RHBDF2: variants seen among roughly 807,000 people sequenced by gnomAD.
RHBDF2 encodes inactive rhomboid protein 2.
RHBDF2 carries 38 observed loss-of-function variants against 95.2 expected under a neutral mutation model. That is an observed-to-expected ratio of 0.40 (90% CI 0.31 to 0.52). The LOEUF (loss-of-function observed/expected upper bound fraction) is 0.52. Ranked by LOEUF, RHBDF2 falls within the 20% of genes least tolerant of loss-of-function variation. The probability of loss-of-function intolerance (pLI) is 0.56; values close to 1 mark genes in which losing one functional copy is unlikely to be tolerated. For synonymous variants in RHBDF2, 442 were observed against 462.0 expected (o/e 0.96, Z 0.55); for missense variants, 863 against 1,137.7 (o/e 0.76, Z 3.47).
At position 76,476,957 on chromosome 17, in the gene RHBDF2, G is replaced by T. The variant is rs765461667; in HGVS notation, c.988C>A (p.His330Asn). The change falls in exon 9 of 19, where the codon CAC becomes AAC. Residue 330 changes from histidine (H) to asparagine (N), a missense_variant. Coordinates refer to ENST00000675367, the MANE Select transcript of RHBDF2 (RefSeq NM_001005498.4). ...CGCTTCTTCCGATCAAAGGCAAAGT[G>T]CTTCACCTTGGAGGCGATGCGCTTG... ...RGKRIASKVK[H>N]FAFDRKKRHY... The T allele has an allele frequency of 3.7e-6, 6 of 1,613,990 alleles. No individual in the cohort carries two copies. In the South Asian group the frequency reaches 6.6e-5, roughly 18 times the overall value.
At chr17:76,486,161 C>T (rs12939537) in intron 2 of RHBDF2, among the ~76,000 whole-genome samples, 90,713 of 151,664 alleles carry the variant, frequency 0.6, 27,600 homozygotes, top group Middle Eastern at 0.75. Context: ...CAGGCTAGAG[C>T]GCAGTGGTGC....
intron 3 of RHBDF2, 128 bp downstream of exon 3, chr17:76,481,246 AG>A: frequency 9.2e-7 from 1 of 1,085,124 alleles, no homozygotes; most frequent in Non-Finnish European, 1.3e-6. Flanking sequence ...GCCCGAGTCA[AG>A]GGCTGCACAG....
chr17:76,472,982 G>A (rs752850990), intron 17 of RHBDF2, 23 bp downstream of exon 17: 79 of 1,608,908 alleles, frequency 4.9e-5, no homozygotes, highest in Admixed American at 1.7e-4. Flanking sequence ...GGTCGGGTTC[G>A]GGGGCAGTGA....
At position 76,474,732 on chromosome 17, in the gene RHBDF2, A is replaced by G; in HGVS notation, c.1300T>C (p.Ser434Pro). The G allele has an allele frequency of 6.2e-7, 1 of 1,614,116 alleles. No homozygotes were observed. Among genetic ancestry groups the G allele is most frequent in the Non-Finnish European group, 8.5e-7 (1 of 1,179,990 alleles). ...TGTCCCCCAGCCTGGGCCCTCACCGAGCTGGGGCCAACCCAGAAGTTCTCC... is the reference window on the plus strand; with the variant it reads ...TGTCCCCCAGCCTGGGCCCTCACCGGGCTGGGGCCAACCCAGAAGTTCTCC... ...QQENFWVGPS[S>P]IDLIHLGAKF... The change falls in exon 11 of 19, where the codon TCG becomes CCG. Residue 434 changes from serine (S) to proline (P), a missense_variant and splice_region_variant. By Grantham distance (74) the Ser-to-Pro change is moderately conservative. This residue lies in a region of RHBDF2 where 611 missense variants were observed against 725.5 expected (regional missense o/e 0.84). Transcript: ENST00000675367.
At chr17:76,475,614 G>A (rs1331617632) in intron 9 of RHBDF2, among the ~76,000 whole-genome samples, 10 of 149,456 alleles carry the variant, frequency 6.7e-5, no homozygotes, top group Non-Finnish European at 8.9e-5. Context: ...ACAGAGTCTC[G>A]CTCTGTCACC....
chr17:76,474,563 TG>T (rs1489986219), intron 11 of RHBDF2, 29 bp from the exon 12 acceptor site: 5 of 1,610,930 alleles, frequency 3.1e-6, no homozygotes, highest in Non-Finnish European at 2.5e-6. Context: ...GGGGAGAGAG[TG>T]AGTTTGAGCC....
intron 9 of RHBDF2, among the ~76,000 whole-genome samples, chr17:76,475,511 C>T (rs2073742289): frequency 6.6e-6 from 1 of 152,172 alleles, no homozygotes; most frequent in Non-Finnish European, 1.5e-5. Flanking sequence ...CACCCCTCCC[C>T]ACCAGCTGTT....
Position 76,473,004 on chromosome 17 carries a change from C to T in RHBDF2, c.1910+1G>A. ...TTCGGGGGCAGTGAGGAGCCTCTTACCCAGCATGTAGGAAGAGAGACAGCC... is the reference window on the plus strand; with the variant it reads ...TTCGGGGGCAGTGAGGAGCCTCTTATCCAGCATGTAGGAAGAGAGACAGCC... On this transcript the variant is annotated splice_donor_variant, in intron 17 of 18. Transcript: ENST00000675367. LOFTEE classifies it high-confidence loss of function. The T allele has an allele frequency of 6.2e-7, 1 of 1,613,578 alleles. No homozygotes were observed. Among genetic ancestry groups the T allele is most frequent in the Non-Finnish European group, 8.5e-7 (1 of 1,179,482 alleles).
Position 76,481,258 on chromosome 17 carries a change from A to G in RHBDF2, c.150+117T>C, listed in dbSNP as rs3826288. 935,325 of 1,197,238 alleles carry G rather than the reference A, an allele frequency of 0.78. 369,409 individuals are homozygous for G. Among genetic ancestry groups the G allele is most frequent in the Non-Finnish European group, 0.82 (698,742 of 855,062 alleles). 74.2% of individuals were successfully genotyped at this position (1,197,238 alleles called of 1,614,324 possible). On this transcript the variant is annotated intron_variant, in intron 3 of 18. Coordinates refer to ENST00000675367, the MANE Select transcript of RHBDF2 (RefSeq NM_001005498.4). The stretch of plus-strand genomic sequence containing the variant: ...AGGGCCCGAGTCAAGGGCTGCACAG[A>G]CAGCAGCTGTGGCTCAGGAAGGAGC...
intron 6 of RHBDF2, 57 bp downstream of exon 6, chr17:76,478,749 G>C: frequency 6.9e-7 from 1 of 1,444,630 alleles, no homozygotes; most frequent in Non-Finnish European, 9.5e-7. Context: ...GTGGAAGGGA[G>C]GGGCAAGGAA....
In RHBDF2 at chr17:76,481,408, C is replaced by T. The variant is rs1459651439; in HGVS notation, c.117G>A (p.Gln39=). 1.2e-6 allele frequency: 2 copies of T among 1,612,806 alleles called. No homozygotes were observed. The highest frequency in any genetic ancestry group is 8.5e-7 in the Non-Finnish European group (1 of 1,180,012). ...ITIPPPEKET[Q]APGEQDSMLP... is the part of the protein sequence containing the mutation. ...GCATGCTGTCCTGCTCGCCAGGGGC[C>T]TGGGTCTCTTTCTCGGGTGGCGGGA... Residue 39 remains glutamine, a synonymous_variant, in exon 3 of 19, where the codon CAG becomes CAA. Coordinates refer to ENST00000675367, the MANE Select transcript of RHBDF2 (RefSeq NM_001005498.4).
rs532075731 is a variant in RHBDF2, at chr17:76,476,884, C to T, written c.1061G>A (p.Arg354His). The change falls in exon 9 of 19, where the codon CGC becomes CAC. Residue 354 changes from arginine (R) to histidine (H), a missense_variant. Arg to His is a conservative substitution (Grantham distance 29, BLOSUM62 0). Transcript: ENST00000675367. ...VVGNWLNRSY[R>H]RSISSTVQRQ... is the part of the protein sequence containing the mutation. Reference sequence around the variant, plus strand: ...CTGCACAGTGCTGCTGATGCTGCGGCGGTAGCTGCGGTTCAGCCAGTTGCC... The same window carrying T: ...CTGCACAGTGCTGCTGATGCTGCGGTGGTAGCTGCGGTTCAGCCAGTTGCC... The T allele has an allele frequency of 4.3e-6, 7 of 1,612,434 alleles. No homozygotes were observed. The highest frequency in any genetic ancestry group is 2.2e-5 in the South Asian group (2 of 91,054).
intron 2 of RHBDF2, among the ~76,000 whole-genome samples, chr17:76,484,601 C>T (rs898205851): frequency 2.6e-5 from 4 of 151,994 alleles, no homozygotes; most frequent in Non-Finnish European, 4.4e-5. Context: ...GATCATTCTC[C>T]GCACCGCAGC....
At chr17:76,474,325 G>T (rs755948186) in intron 12 of RHBDF2, 48 bp downstream of exon 12, 10 of 1,593,478 alleles carry the variant, frequency 6.3e-6, no homozygotes, top group Non-Finnish European at 7.7e-6. Context: ...AGTGGAGCTA[G>T]TCCGGGACCA....
At chr17:76,472,261 C>T (rs958887795) in intron 18 of RHBDF2, 27 of 609,386 alleles carry the variant, frequency 4.4e-5, no homozygotes, top group South Asian at 7.9e-5. Context: ...CTACTGTGTA[C>T]GTGCCTGGTG....
intron 3 of RHBDF2, among the ~76,000 whole-genome samples, chr17:76,480,898 G>GT (rs1165774364): frequency 6.6e-6 from 1 of 152,186 alleles, no homozygotes; most frequent in African/African-American, 2.4e-5. Flanking sequence ...CCACAAGCCG[G>GT]TTTTCAATGA....
At chr17:76,490,285 A>G (rs900825828) in intron 1 of RHBDF2, among the ~76,000 whole-genome samples, 1 of 151,464 alleles carries the variant, frequency 6.6e-6, no homozygotes, top group African/African-American at 2.4e-5. Flanking sequence ...TCCTGACCCC[A>G]CCCCCCAGGG....
rs2144325033 is a variant in RHBDF2 at position 76,487,813 on chromosome 17, A to G, written c.-123T>C. On this transcript the variant is annotated 5_prime_UTR_variant, in exon 2 of 19. Transcript: ENST00000675367. ...GCTCTGTACAGATGCTCCGGTGTCA[A>G]GCCTCAGTCTGTGGAAGGGTGGCTG... is the stretch of plus-strand genomic sequence containing the variant. 6.6e-6 allele frequency: 1 copy of G among 152,436 alleles called. No individual in the cohort carries two copies. Among genetic ancestry groups the G allele is most frequent in the Non-Finnish European group, 1.5e-5 (1 of 68,126 alleles). 9.4% of individuals were successfully genotyped at this position (152,436 alleles called of 1,614,324 possible). A position where few individuals can be genotyped will look rare whatever the true frequency, so the allele number is the denominator to read the frequency against.
chr17:76,501,418 C>A lies in RHBDF2; in HGVS notation c.-285G>T, dbSNP rs910786633. 2.6e-5 allele frequency: 4 copies of A among 152,644 alleles called. No homozygotes were observed. Among genetic ancestry groups the A allele is most frequent in the African/African-American group, 9.7e-5 (4 of 41,446 alleles). 9.5% of individuals were successfully genotyped at this position (152,644 alleles called of 1,614,324 possible). A position where few individuals can be genotyped will look rare whatever the true frequency, so the allele number is the denominator to read the frequency against. On this transcript the variant is annotated 5_prime_UTR_variant, in exon 1 of 19. Coordinates refer to ENST00000675367, the MANE Select transcript of RHBDF2 (RefSeq NM_001005498.4). The stretch of plus-strand genomic sequence containing the variant: ...GCGCCTGCGAGCGGCTGGGCGGTGG[C>A]TCCTCGGGGGCGGGGCGGCGGCGCT...
Sources: gnomAD v4.1 joint callset for allele counts (sites outside exome capture counted in the v4.1 genomes callset) on GRCh38, gnomAD v4.1.1 for gene constraint, gnomAD v4.1.1 regional missense constraint, MANE v1.5 for transcripts, NCBI Gene and HGNC (gene_info 2026-07-23, HGNC 2026-07-21) for gene names.